Variants in RBFOX1 observed in about 807,000 individuals in gnomAD.
RBFOX1 encodes RNA binding fox-1 homolog 1.
RBFOX1 carries 8 observed loss-of-function variants against 57.7 expected under a neutral mutation model. The ratio of observed to expected loss-of-function variants is 0.14; its 90% CI spans 0.08 to 0.25. The LOEUF (loss-of-function observed/expected upper bound fraction) is 0.25. RBFOX1 is among the 10% of genes least tolerant of loss of function. RBFOX1 has a pLI of 1.00. For synonymous variants in RBFOX1, 326 were observed against 222.4 expected (o/e 1.47, Z -4.15); for missense variants, 611 against 548.5 (o/e 1.11, Z -1.14).
intron 3 of RBFOX1, among the ~76,000 whole-genome samples, chr16:6,943,360 G>C (rs998869280): frequency 2.0e-5 from 3 of 152,160 alleles, no homozygotes; most frequent in African/African-American, 7.2e-5. Flanking sequence ...AGTTCTTGTG[G>C]ATGAGCTGTC....
chr16:6,526,717 C>G (rs576478501), intron 2 of RBFOX1, among the ~76,000 whole-genome samples: 22 of 150,278 alleles, frequency 1.5e-4, no homozygotes, highest in Non-Finnish European at 3.0e-4. Context: ...GTAGTCCCAG[C>G]TACTAGGGAG....
chr16:6,100,265 C>A (rs1462219561), intron 1 of RBFOX1, among the ~76,000 whole-genome samples: 1 of 152,104 alleles, frequency 6.6e-6, no homozygotes, highest in African/African-American at 2.4e-5. Context: ...TGGGTTCACG[C>A]CATTCTCCTG....
intron 4 of RBFOX1, among the ~76,000 whole-genome samples, chr16:5,875,350 T>C (rs762863045): frequency 1.3e-5 from 2 of 152,160 alleles, no homozygotes; most frequent in Non-Finnish European, 2.9e-5. Flanking sequence ...CTGGGCTGTC[T>C]CCACTAGGAA....
chr16:5,725,111 A>C (rs1014642548), intron 3 of RBFOX1, among the ~76,000 whole-genome samples: 2 of 152,172 alleles, frequency 1.3e-5, no homozygotes, highest in African/African-American at 4.8e-5. Context: ...CAGTACTAAT[A>C]AAATATTTGG....
At chr16:6,539,956 C>T (rs1431017235) in intron 2 of RBFOX1, among the ~76,000 whole-genome samples, 3 of 152,042 alleles carry the variant, frequency 2.0e-5, no homozygotes, top group Non-Finnish European at 4.4e-5. Flanking sequence ...GATAGCCAGC[C>T]AATGAAAAAA....
At chr16:6,712,599 T>C (rs974237273) in intron 3 of RBFOX1, among the ~76,000 whole-genome samples, 2 of 152,196 alleles carry the variant, frequency 1.3e-5, no homozygotes, top group African/African-American at 4.8e-5. Flanking sequence ...CAAGATAATA[T>C]AATTTAATCA....
In RBFOX1 at chr16:5,847,790, G is replaced by A. The variant is rs777751721; in HGVS notation, c.319-19513G>A. Among the ~76,000 whole-genome samples, 112 of 152,042 alleles carry A rather than the reference G, an allele frequency of 7.4e-4. 1 individual carries two copies. The highest frequency in any genetic ancestry group is 1.7e-3 in the Admixed American group (26 of 15,262). ...AACATTATAGCCACCTCTTAGGGTCGTCATGGAAGTCAATGAAATGAAGAC... is the reference window on the plus strand; with the variant it reads ...AACATTATAGCCACCTCTTAGGGTCATCATGGAAGTCAATGAAATGAAGAC... On this transcript the variant is annotated intron_variant, in intron 3 of 19. Coordinates refer to the RBFOX1 transcript ENST00000641259.
chr16:6,459,449 T>C (rs1156526824), intron 2 of RBFOX1, among the ~76,000 whole-genome samples: 1 of 152,188 alleles, frequency 6.6e-6, no homozygotes, highest in Non-Finnish European at 1.5e-5. Context: ...CACCAAGAAT[T>C]TATCAAGCTT....
intron 4 of RBFOX1, among the ~76,000 whole-genome samples, chr16:7,357,692 G>C (rs2097244415): frequency 6.6e-6 from 1 of 152,184 alleles, no homozygotes; most frequent in Non-Finnish European, 1.5e-5. Context: ...TGCAATGTCA[G>C]TTTTCTTGCC....
At chr16:6,685,187 C>T (rs904636613) in intron 3 of RBFOX1, among the ~76,000 whole-genome samples, 4 of 151,842 alleles carry the variant, frequency 2.6e-5, no homozygotes, top group Admixed American at 6.6e-5. Context: ...TACTTACTAA[C>T]CAAAAATAAA....
At chr16:7,040,314 C>T (rs76545411) in intron 3 of RBFOX1, among the ~76,000 whole-genome samples, 14,312 of 152,024 alleles carry the variant, frequency 0.094, 1,089 homozygotes, top group East Asian at 0.32. Context: ...CCACCGTGCC[C>T]GGCTGAGTTA....
At chr16:7,141,998 C>A (rs1249935361) in intron 4 of RBFOX1, among the ~76,000 whole-genome samples, 1 of 71,904 alleles carries the variant, frequency 1.4e-5, no homozygotes, top group Non-Finnish European at 4.2e-5. Context: ...TCTCCTTCTT[C>A]TTCCTCCTTC....
intron 1 of RBFOX1, among the ~76,000 whole-genome samples, chr16:6,021,744 C>T (rs2095082673): frequency 6.6e-6 from 1 of 152,198 alleles, no homozygotes; most frequent in Admixed American, 6.5e-5. Flanking sequence ...CGTTATCTGC[C>T]AGCTGTGTGA....
intron 3 of RBFOX1, among the ~76,000 whole-genome samples, chr16:6,917,330 C>G (rs1390667457): frequency 6.6e-6 from 1 of 152,158 alleles, no homozygotes; most frequent in African/African-American, 2.4e-5. Context: ...GTGACTAATC[C>G]CATCTGGTGA....
chr16:6,037,569 T>G (rs2095382155), intron 1 of RBFOX1: 2 of 152,112 alleles, frequency 1.3e-5, no homozygotes, highest in Admixed American at 1.3e-4. Context: ...TTTCTTTCTT[T>G]TTTTTCTTTT....
At chr16:7,040,787 A>G (rs570953690) in intron 3 of RBFOX1, among the ~76,000 whole-genome samples, 34 of 152,176 alleles carry the variant, frequency 2.2e-4, no homozygotes, top group African/African-American at 7.9e-4. Flanking sequence ...GAAATCATTC[A>G]TTTTCTAATG....
intron 1 of RBFOX1, among the ~76,000 whole-genome samples, chr16:6,140,577 C>T (rs61121706): frequency 4.6e-5 from 7 of 152,046 alleles, no homozygotes; most frequent in Non-Finnish European, 2.9e-5. Context: ...TGTTCATTCA[C>T]CTGGGCAATG....
intron 3 of RBFOX1, among the ~76,000 whole-genome samples, chr16:5,781,408 C>A (rs759831737): frequency 6.6e-6 from 1 of 152,180 alleles, no homozygotes; most frequent in Non-Finnish European, 1.5e-5. Context: ...TAGGGCAGTT[C>A]TTTACAATGT....
intron 4 of RBFOX1, among the ~76,000 whole-genome samples, chr16:7,074,781 A>C (rs2058003780): frequency 2.0e-5 from 3 of 152,232 alleles, no homozygotes; most frequent in Admixed American, 2.0e-4. Flanking sequence ...CATTATAAAG[A>C]AATGCTTAAA....
Sources: allele counts gnomAD v4.1 joint callset (sites outside exome capture counted in the v4.1 genomes callset), GRCh38; gene constraint gnomAD v4.1.1; transcripts MANE v1.5; gene names NCBI Gene and HGNC (gene_info 2026-07-23, HGNC 2026-07-21).